TNIK: variants seen among roughly 807,000 people sequenced by gnomAD.
TNIK encodes the protein TRAF2 and NCK-interacting protein kinase.
Under a neutral mutation model 191.3 loss-of-function variants are expected in TNIK, and 49 were observed. That is an observed-to-expected ratio of 0.26 (90% CI 0.20 to 0.32). The LOEUF is 0.32. Among genes scored for constraint, TNIK ranks in the 10% least tolerant of loss-of-function variants. TNIK has a pLI of 1.00. For synonymous variants in TNIK, 594 were observed against 600.9 expected (o/e 0.99, Z 0.17); for missense variants, 1,155 against 1,702.3 (o/e 0.68, Z 5.66).
chr3:171,190,736 G>T lies in TNIK; in HGVS notation c.469C>A (p.Gln157Lys). The change falls in exon 6 of 33, where the codon CAA becomes AAA. Residue 157 changes from glutamine (Q) to lysine (K), a missense_variant. Gln to Lys is a moderately conservative substitution (Grantham distance 53). Coordinates refer to ENST00000436636, the MANE Select transcript of TNIK (RefSeq NM_015028.4). ...GCATTTTCAGTCAGCAAGACATTTT[G>T]CCCTTTAATATCTCGATGAATCACT... ...HKVIHRDIKGQNVLLTENAEV... is the reference protein window; with the variant it reads ...HKVIHRDIKGKNVLLTENAEV... 6.3e-7 allele frequency: 1 copy of T among 1,597,424 alleles called. No individual in the cohort carries two copies. The highest frequency in any genetic ancestry group is 8.5e-7 in the Non-Finnish European group (1 of 1,170,954).
chr3:171,352,693 A>G (rs530379711), intron 2 of TNIK, among the ~76,000 whole-genome samples: 2 of 152,346 alleles, frequency 1.3e-5, no homozygotes, highest in South Asian at 4.1e-4. Flanking sequence ...TGTGATTAGC[A>G]TATCAACAAG....
rs1324965432 is a variant in TNIK, at chr3:171,059,268, A to G, written c.*4613T>C. Reference sequence around the variant, plus strand: ...ACATTTGTCATCATGGACTCAGAAGAATCCAAGATTTTGATCTAGATTTAA... The same window carrying G: ...ACATTTGTCATCATGGACTCAGAAGGATCCAAGATTTTGATCTAGATTTAA... On this transcript the variant is annotated 3_prime_UTR_variant, in exon 33 of 33. Transcript: ENST00000436636. Among the ~76,000 whole-genome samples the G allele has an allele frequency of 1.3e-5, 2 of 152,240 alleles. No homozygotes were observed. Among genetic ancestry groups the G allele is most frequent in the Admixed American group, 6.5e-5 (1 of 15,276 alleles).
intron 23 of TNIK, among the ~76,000 whole-genome samples, chr3:171,089,465 T>G (rs1287668310): frequency 6.6e-6 from 1 of 152,228 alleles, no homozygotes; most frequent in Non-Finnish European, 1.5e-5. Flanking sequence ...TGGAATTTTT[T>G]GGCCTCTCTT....
chr3:171,299,881 G>A (rs1175667321), intron 2 of TNIK, among the ~76,000 whole-genome samples: 1 of 152,180 alleles, frequency 6.6e-6, no homozygotes, highest in Non-Finnish European at 1.5e-5. Context: ...AACGTACAAG[G>A]AGACAATTTA....
In TNIK at chr3:171,066,218, C is replaced by T; in HGVS notation, c.3968G>A (p.Arg1323Lys). 2 of 1,613,818 alleles carry T rather than the reference C, an allele frequency of 1.2e-6. No homozygotes were observed. The highest frequency in any genetic ancestry group is 8.5e-7 in the Non-Finnish European group (1 of 1,179,872). Residue 1323 changes from arginine to lysine, a missense_variant, in exon 32 of 33, where the codon AGG becomes AAG. By Grantham distance (26) the Arg-to-Lys change is conservative. This residue lies in a region of TNIK where 195 missense variants were observed against 415.4 expected (regional missense o/e 0.47). Transcript: ENST00000436636. ...ATTTCTTTCACATAGAAACTTTAAC[C>T]TTTGAGCTCGCTTATGCATAAATAC... ...DGVFMHKRAQ[R>K]LKFLCERNDK...
intron 23 of TNIK, among the ~76,000 whole-genome samples, chr3:171,090,175 AAGAGCAAAGGAGAAATGTG>A (rs530443360): frequency 6.6e-6 from 1 of 152,272 alleles, no homozygotes; most frequent in East Asian, 1.9e-4. Context: ...AAAGAGAGAG[AAGAGCAAAGGAGAAATGTG>A]GAAGAAAGCA....
At chr3:171,273,014 A>G (rs1418421820) in intron 2 of TNIK, among the ~76,000 whole-genome samples, 2 of 152,236 alleles carry the variant, frequency 1.3e-5, no homozygotes, top group Non-Finnish European at 2.9e-5. Flanking sequence ...GATTCTGGTC[A>G]GGACATCTGA....
At chr3:171,293,292 C>G (rs1432461797) in intron 2 of TNIK, among the ~76,000 whole-genome samples, 1 of 152,126 alleles carries the variant, frequency 6.6e-6, no homozygotes, top group East Asian at 1.9e-4. Flanking sequence ...CATTTTACTC[C>G]ACGCCTACAA....
chr3:171,286,080 C>T (rs144981960), intron 2 of TNIK, among the ~76,000 whole-genome samples: 1 of 152,094 alleles, frequency 6.6e-6, no homozygotes, highest in Non-Finnish European at 1.5e-5. Context: ...CCTGGTTAGC[C>T]TTTGCTGGGG....
At chr3:171,128,923 T>C (rs953927391) in intron 15 of TNIK, 45 bp from the exon 16 acceptor site, 3 of 1,472,512 alleles carry the variant, frequency 2.0e-6, no homozygotes, top group African/African-American at 1.5e-5. Context: ...CCTCAATGTA[T>C]AGAAGTAGAT....
chr3:171,302,641 T>G (rs1753006994), intron 2 of TNIK, among the ~76,000 whole-genome samples: 1 of 152,224 alleles, frequency 6.6e-6, no homozygotes, highest in African/African-American at 2.4e-5. Context: ...GGCCTTAAAT[T>G]CTGGCAGAAG....
chr3:171,350,346 A>C (rs1453142801), intron 2 of TNIK, among the ~76,000 whole-genome samples: 4 of 152,160 alleles, frequency 2.6e-5, no homozygotes, highest in African/African-American at 9.7e-5. Context: ...ATTAGGAACC[A>C]GGCTGTTTGA....
chr3:171,298,672 A>G (rs1220490801), intron 2 of TNIK, among the ~76,000 whole-genome samples: 1 of 152,172 alleles, frequency 6.6e-6, no homozygotes, highest in Non-Finnish European at 1.5e-5. Flanking sequence ...TGGGTCCCTG[A>G]ATGACTGTGT....
At chr3:171,065,440 G>T (rs1168889293) in intron 32 of TNIK, among the ~76,000 whole-genome samples, 2 of 152,178 alleles carry the variant, frequency 1.3e-5, no homozygotes, top group Non-Finnish European at 2.9e-5. Context: ...TTCTATAGGC[G>T]TTTATGTCTG....
At chr3:171,190,843 A>G (rs1737981070) in intron 5 of TNIK, 56 bp from the exon 6 acceptor site, 4 of 1,360,872 alleles carry the variant, frequency 2.9e-6, no homozygotes, top group Non-Finnish European at 4.0e-6. Context: ...AGATGCCAAT[A>G]AATTATTTTG....
intron 3 of TNIK, among the ~76,000 whole-genome samples, chr3:171,215,610 G>A (rs535493086): frequency 6.6e-5 from 10 of 152,234 alleles, no homozygotes; most frequent in South Asian, 2.1e-4. Context: ...GTCGTTAATC[G>A]GAAGCGTTTA....
At chr3:171,433,571 AACACACACACAGACATAC>A (rs1272017901) in intron 1 of TNIK, among the ~76,000 whole-genome samples, 9 of 152,120 alleles carry the variant, frequency 5.9e-5, no homozygotes, top group Admixed American at 2.0e-4. Flanking sequence ...ACAGACACAG[AACACACACACAGACATAC>A]ACACACATGC....
intron 2 of TNIK, among the ~76,000 whole-genome samples, chr3:171,292,707 C>T (rs563072823): frequency 6.6e-4 from 94 of 142,164 alleles, no homozygotes; most frequent in Non-Finnish European, 1.2e-3. Context: ...ACCCGGGAAG[C>T]GGAGCTTGCA....
At chr3:171,223,591 C>T (rs1166447099) in intron 3 of TNIK, among the ~76,000 whole-genome samples, 1 of 152,146 alleles carries the variant, frequency 6.6e-6, no homozygotes, top group African/African-American at 2.4e-5. Context: ...CCTTTGGCAG[C>T]CATGTTACAT....
Sources: allele counts gnomAD v4.1 joint callset (sites outside exome capture counted in the v4.1 genomes callset), GRCh38; gene constraint gnomAD v4.1.1; regional missense constraint gnomAD v4.1.1; transcripts MANE v1.5; gene names NCBI Gene and HGNC (gene_info 2026-07-23, HGNC 2026-07-21).